Variants in DOCK8 observed in about 807,000 individuals in gnomAD.
DOCK8 encodes dedicator of cytokinesis protein 8.
DOCK8 carries 141 observed loss-of-function variants against 245.6 expected under a neutral mutation model. That is an observed-to-expected ratio of 0.57 (90% CI 0.50 to 0.66). DOCK8 has a LOEUF of 0.66. Ranked by LOEUF, DOCK8 falls within the 30% of genes least tolerant of loss-of-function variation. DOCK8 has a pLI of 0.00. For missense variants in DOCK8, 2,965 were observed against 2,603.4 expected, an observed-to-expected ratio of 1.14 and a Z score of -3.02; for synonymous variants, 1,168 against 970.2, an observed-to-expected ratio of 1.20 and a Z score of -3.79.
At chr9:390,142 G>A (rs893864154) in intron 23 of DOCK8, among the ~76,000 whole-genome samples, 4 of 152,140 alleles carry the variant, frequency 2.6e-5, no homozygotes, top group African/African-American at 7.2e-5. Context: ...CAGGACCCAA[G>A]AGGAAAGTAA....
intron 14 of DOCK8, among the ~76,000 whole-genome samples, chr9:342,284 G>C (rs1586748015): frequency 7.8e-6 from 1 of 128,228 alleles, no homozygotes; most frequent in African/African-American, 3.0e-5. Context: ...AGATTGATTT[G>C]TTTTTCTTTT....
intron 1 of DOCK8, among the ~76,000 whole-genome samples, chr9:262,601 A>G (rs1371859305): frequency 6.6e-6 from 1 of 151,548 alleles, no homozygotes; most frequent in East Asian, 2.0e-4. Context: ...GTATGATTCT[A>G]TTTATGTAAA....
At position 429,795 on chromosome 9, in the gene DOCK8, C is replaced by T. The variant is rs751437482; in HGVS notation, c.4567C>T (p.Arg1523Trp). 3.1e-6 allele frequency: 5 copies of T among 1,614,166 alleles called. No homozygotes were observed. The highest frequency in any genetic ancestry group is 2.2e-5 in the South Asian group (2 of 91,084). ...HHCSSSMDVTRSQACATLYLL... is the reference protein window; with the variant it reads ...HHCSSSMDVTWSQACATLYLL... ...CTGCAGCAGCAGCATGGATGTCACC[C>T]GGAGCCAAGCCTGTGCCACCCTTTA... is the stretch of plus-strand genomic sequence containing the variant. The change falls in exon 36 of 48, where the codon CGG becomes TGG. Residue 1523 changes from arginine (R) to tryptophan (W), a missense_variant. Physicochemically the swap from Arg to Trp is moderately radical, Grantham distance 101. This residue lies in a region of DOCK8 where 2,825 missense variants were observed against 2,453.5 expected (regional missense o/e 1.15). Coordinates refer to ENST00000432829, the MANE Select transcript of DOCK8 (RefSeq NM_203447.4).
In DOCK8 at chr9:400,258, A is replaced by C. The variant is rs1405970430; in HGVS notation, c.3234+999A>C. On this transcript the variant is annotated intron_variant, in intron 26 of 47. Coordinates refer to ENST00000432829, the MANE Select transcript of DOCK8 (RefSeq NM_203447.4). ...CATCACCACCACCTCCACCATCACC[A>C]CCACCTCCACCATCACCACCACTTC... Among the ~76,000 whole-genome samples, 116 of 96,826 alleles carry C rather than the reference A, an allele frequency of 1.2e-3. 2 individuals carry two copies. Among genetic ancestry groups the C allele is most frequent in the African/African-American group, 4.8e-3 (103 of 21,614 alleles). 63.5% of individuals were successfully genotyped at this position (96,826 alleles called of 152,430 possible). A position where few individuals can be genotyped will look rare whatever the true frequency, so the allele number is the denominator to read the frequency against.
rs1389378734 is a variant in DOCK8 at position 443,485 on chromosome 9, C to G, written c.5549C>G (p.Pro1850Arg). ...GTGGAAGTGATTAAAGACTCCACTC[C>G]TGTGGACAAAACCAAGTTGGATCCT... ...EFVEVIKDST[P>R]VDKTKLDPNK... The change falls in exon 43 of 48, where the codon CCT (proline) becomes CGT (arginine). Residue 1850 changes from proline (P) to arginine (R), a missense_variant. This residue lies in a region of DOCK8 where 2,825 missense variants were observed against 2,453.5 expected (regional missense o/e 1.15). Coordinates refer to ENST00000432829, the MANE Select transcript of DOCK8 (RefSeq NM_203447.4). 1.2e-6 allele frequency: 2 copies of G among 1,613,942 alleles called. No individual in the cohort carries two copies. The highest frequency in any genetic ancestry group is 2.7e-5 in the African/African-American group (2 of 74,918).
At chr9:358,170 G>A (rs970810697) in intron 14 of DOCK8, among the ~76,000 whole-genome samples, 1 of 152,042 alleles carries the variant, frequency 6.6e-6, no homozygotes, top group African/African-American at 2.4e-5. Context: ...CTGCAGCCTT[G>A]AACTCCTGGA....
intron 7 of DOCK8, 61 bp from the exon 8 acceptor site, chr9:325,610 T>C: frequency 7.0e-7 from 1 of 1,432,766 alleles, no homozygotes; most frequent in Non-Finnish European, 9.9e-7. Context: ...CTAGGTGTTT[T>C]CAGAAAATTC....
At position 283,645 on chromosome 9, in the gene DOCK8, T is replaced by C. The variant is rs115044733; in HGVS notation, c.157-2816T>C. On this transcript the variant is annotated intron_variant, in intron 2 of 47. Transcript: ENST00000432829. ...CACTTCTAAATGAAAACATGTGATA[T>C]CTGTCTTTCTGTTTCTGAGTTTTTT... Among the ~76,000 whole-genome samples the C allele has an allele frequency of 4.2e-3, 635 of 152,310 alleles. 4 individuals are homozygous for C. The highest frequency in any genetic ancestry group is 0.015 in the African/African-American group (609 of 41,566).
chr9:305,382 A>G (rs1360757112), intron 5 of DOCK8, among the ~76,000 whole-genome samples: 1 of 151,304 alleles, frequency 6.6e-6, no homozygotes, highest in East Asian at 1.9e-4. Context: ...TCCCGGGTTC[A>G]CGCCATTCTG....
chr9:414,983 G>T, intron 29 of DOCK8, 32 bp downstream of exon 29: 2 of 1,611,870 alleles, frequency 1.2e-6, no homozygotes, highest in Non-Finnish European at 1.7e-6. Flanking sequence ...TTCTTGGATT[G>T]TTGGGGGCCC....
chr9:386,449 G>C, intron 23 of DOCK8, 23 bp downstream of exon 23: 2 of 1,598,838 alleles, frequency 1.3e-6, no homozygotes, highest in East Asian at 4.5e-5. Context: ...GCAATGTGAG[G>C]TTCATCCCAG....
At chr9:222,516 C>G (rs1368740282) in intron 1 of DOCK8, among the ~76,000 whole-genome samples, 2 of 152,162 alleles carry the variant, frequency 1.3e-5, no homozygotes, top group Non-Finnish European at 2.9e-5. Context: ...CCCACATTCA[C>G]ACCCCCACCG....
chr9:462,218 A>C (rs979053312), intron 46 of DOCK8, among the ~76,000 whole-genome samples: 2 of 152,162 alleles, frequency 1.3e-5, no homozygotes, highest in African/African-American at 4.8e-5. Context: ...CTCCAGAACA[A>C]CTTTATGTTG....
intron 1 of DOCK8, among the ~76,000 whole-genome samples, chr9:268,804 A>T (rs1042732934): frequency 6.6e-6 from 1 of 152,218 alleles, no homozygotes; most frequent in Admixed American, 6.5e-5. Flanking sequence ...CAAATAAATG[A>T]TTGCAGTGTT....
intron 3 of DOCK8, among the ~76,000 whole-genome samples, chr9:287,575 G>C (rs1393173460): frequency 6.6e-6 from 1 of 152,068 alleles, no homozygotes; most frequent in Non-Finnish European, 1.5e-5. Context: ...AAGGAGGTTG[G>C]ATGATAATGG....
intron 28 of DOCK8, among the ~76,000 whole-genome samples, chr9:413,363 A>G (rs911425317): frequency 6.6e-6 from 1 of 152,208 alleles, no homozygotes; most frequent in South Asian, 2.1e-4. Context: ...TTTCTTAGAT[A>G]TGACACACTC....
intron 14 of DOCK8, among the ~76,000 whole-genome samples, chr9:348,777 C>T (rs1007149691): frequency 6.6e-6 from 1 of 152,190 alleles, no homozygotes; most frequent in South Asian, 2.1e-4. Context: ...TCTGACGGGA[C>T]AGCTTTGGGA....
At chr9:312,319 T>C (rs749240883) in intron 6 of DOCK8, 153 bp downstream of exon 6, 2 of 856,856 alleles carry the variant, frequency 2.3e-6, no homozygotes, top group South Asian at 2.9e-5. Flanking sequence ...CAGGCAAGCC[T>C]GTGTGTCATA....
chr9:378,389 G>A (rs1295244090), intron 20 of DOCK8, among the ~76,000 whole-genome samples: 2 of 152,256 alleles, frequency 1.3e-5, no homozygotes, highest in African/African-American at 2.4e-5. Context: ...ACAGAAGCAC[G>A]TGTGGAAGTG....
Sources: gnomAD v4.1 joint callset for allele counts (sites outside exome capture counted in the v4.1 genomes callset) on GRCh38, gnomAD v4.1.1 for gene constraint, gnomAD v4.1.1 regional missense constraint, MANE v1.5 for transcripts, NCBI Gene and HGNC (gene_info 2026-07-23, HGNC 2026-07-21) for gene names.